Variants in ULK4 observed in about 807,000 individuals in gnomAD.
ULK4 encodes the protein unc-51 like kinase 4, also known as inactive serine/threonine-protein kinase ULK4.
A neutral mutation model predicts 160.6 loss-of-function variants in ULK4; 133 were observed. The observed-to-expected ratio is 0.83, with a 90% CI of 0.72 to 0.96. The LOEUF is 0.96. Ranked by LOEUF, ULK4 falls within the 40% of genes least tolerant of loss-of-function variation. The pLI is 0.00. For synonymous variants in ULK4, 534 were observed against 539.8 expected, an observed-to-expected ratio of 0.99 and a Z score of 0.15; for missense variants, 1,580 against 1,499.5, an observed-to-expected ratio of 1.05 and a Z score of -0.89.
At chr3:41,394,265 A>G (rs1405213609) in intron 35 of ULK4, among the ~76,000 whole-genome samples, 1 of 152,118 alleles carries the variant, frequency 6.6e-6, no homozygotes, top group Admixed American at 6.6e-5. Context: ...CAGACAGCAG[A>G]AGGACAAAGA....
rs549475057 is a variant in ULK4, at chr3:41,769,896, T to G, written c.2194-15408A>C. Among the ~76,000 whole-genome samples the G allele has an allele frequency of 6.6e-5, 10 of 152,316 alleles. No homozygotes were observed. In the South Asian group the frequency reaches 2.1e-3, roughly 32 times the overall value. ...AAGCTAAAAATCAATATGTATAGCCTGGCCATCAACTGATAACAGCCTGAA... is the reference window on the plus strand; with the variant it reads ...AAGCTAAAAATCAATATGTATAGCCGGGCCATCAACTGATAACAGCCTGAA... On this transcript the variant is annotated intron_variant, in intron 21 of 36. Coordinates refer to ENST00000301831, the MANE Select transcript of ULK4 (RefSeq NM_017886.4).
chr3:41,945,775 A>G (rs573205391), intron 2 of ULK4, among the ~76,000 whole-genome samples: 1 of 152,338 alleles, frequency 6.6e-6, no homozygotes, highest in South Asian at 2.1e-4. Context: ...ACCCAAAATT[A>G]AAATGCCCGA....
rs1014948712 is a variant in ULK4, at chr3:41,802,368, G to A, written c.1849-2075C>T. ...ACTGAAGTACAATGGCAGGATCACA[G>A]CTCACTGCAGTCTCAATCTCCCAGC... On this transcript the variant is annotated intron_variant, in intron 19 of 36. Transcript: ENST00000301831. Among the ~76,000 whole-genome samples the A allele has an allele frequency of 7.2e-5, 11 of 152,244 alleles. 1 individual carries two copies. The East Asian group carries it at 1.9e-3, about 27-fold the overall frequency.
At chr3:41,274,081 C>T (rs1486337787) in intron 35 of ULK4, among the ~76,000 whole-genome samples, 1 of 152,132 alleles carries the variant, frequency 6.6e-6, no homozygotes, top group Non-Finnish European at 1.5e-5. Flanking sequence ...TATGCTGTGG[C>T]CTGTAAACTC....
rs181244227 is a variant in ULK4 at position 41,555,532 on chromosome 3, C to T, written c.3226+10493G>A. Among the ~76,000 whole-genome samples the T allele has an allele frequency of 2.6e-5, 4 of 152,136 alleles. No homozygotes were observed. In the East Asian group the frequency reaches 5.8e-4, roughly 22 times the overall value. ...AAAGTCAAAAAATAAGAGATGCTAG[C>T]AAGGTTGTGGAGAAAAAGGAGCACT... On this transcript the variant is annotated intron_variant, in intron 32 of 36. Coordinates refer to ENST00000301831, the MANE Select transcript of ULK4 (RefSeq NM_017886.4).
intron 2 of ULK4, among the ~76,000 whole-genome samples, chr3:41,953,037 G>A (rs527377072): frequency 3.0e-4 from 45 of 151,832 alleles, no homozygotes; most frequent in African/African-American, 1.0e-3. Context: ...CCAAAAGCTG[G>A]AGAAGGAGAA....
At chr3:41,831,531 A>G (rs535823247) in intron 18 of ULK4, among the ~76,000 whole-genome samples, 1 of 138,066 alleles carries the variant, frequency 7.2e-6, no homozygotes, top group African/African-American at 2.8e-5. Context: ...ATATATATAT[A>G]TTTTTTTTTC....
intron 33 of ULK4, among the ~76,000 whole-genome samples, chr3:41,457,650 A>G (rs1235451498): frequency 2.0e-5 from 3 of 152,084 alleles, no homozygotes; most frequent in Non-Finnish European, 4.4e-5. Flanking sequence ...GCCTCTCTCC[A>G]ATTTCCCAAC....
At chr3:41,419,817 T>G (rs1369077691) in intron 34 of ULK4, among the ~76,000 whole-genome samples, 2 of 152,022 alleles carry the variant, frequency 1.3e-5, no homozygotes, top group Non-Finnish European at 1.5e-5. Context: ...CTGTTCCTTA[T>G]AGACTTCTGA....
rs559958978 is a variant in ULK4 at position 41,526,794 on chromosome 3, G to C, written c.3226+39231C>G. 2.4e-4 allele frequency among the ~76,000 whole-genome samples: 36 copies of C among 152,274 alleles called. 1 individual carries two copies. The South Asian group carries it at 7.2e-3, about 31-fold the overall frequency. Reference sequence around the variant, plus strand: ...CAGTATCCTTCGAAGGCTTTGGCTTGGAGTGTTGTAGGGTTTTTTAAAAAT... The same window carrying C: ...CAGTATCCTTCGAAGGCTTTGGCTTCGAGTGTTGTAGGGTTTTTTAAAAAT... On this transcript the variant is annotated intron_variant, in intron 32 of 36. Transcript: ENST00000301831.
At chr3:41,801,661 G>C (rs563913764) in intron 19 of ULK4, among the ~76,000 whole-genome samples, 1 of 151,926 alleles carries the variant, frequency 6.6e-6, no homozygotes, top group African/African-American at 2.4e-5. Flanking sequence ...ACCAGCATGG[G>C]CAACATAGCA....
At chr3:41,342,218 A>T (rs1214452178) in intron 35 of ULK4, among the ~76,000 whole-genome samples, 2 of 152,178 alleles carry the variant, frequency 1.3e-5, no homozygotes, top group Non-Finnish European at 2.9e-5. Flanking sequence ...AGGCAAACAC[A>T]CCCAATCATA....
intron 35 of ULK4, among the ~76,000 whole-genome samples, chr3:41,280,842 C>A (rs951507020): frequency 6.6e-6 from 1 of 151,970 alleles, no homozygotes; most frequent in Non-Finnish European, 1.5e-5. Context: ...GACACAAAAA[C>A]CCTTCAAAAA....
At chr3:41,778,090 T>A (rs2039701026) in intron 21 of ULK4, among the ~76,000 whole-genome samples, 1 of 125,892 alleles carries the variant, frequency 7.9e-6, no homozygotes, top group Admixed American at 7.6e-5. Context: ...AACCCCACTG[T>A]CTCAGCCCAA....
intron 35 of ULK4, among the ~76,000 whole-genome samples, chr3:41,306,646 T>C (rs1249663826): frequency 2.0e-5 from 3 of 151,768 alleles, no homozygotes; most frequent in Admixed American, 6.6e-5. Flanking sequence ...CTGGGAGGTG[T>C]GCCCAACAGC....
intron 31 of ULK4, among the ~76,000 whole-genome samples, chr3:41,603,734 A>C (rs2032232196): frequency 6.6e-6 from 1 of 152,140 alleles, no homozygotes; most frequent in African/African-American, 2.4e-5. Context: ...GGCTGGGTGA[A>C]GTACAGGGGA....
chr3:41,320,932 T>C (rs539587326), intron 35 of ULK4, among the ~76,000 whole-genome samples: 1 of 151,832 alleles, frequency 6.6e-6, no homozygotes, highest in South Asian at 2.1e-4. Flanking sequence ...TAAAATAAAA[T>C]AAAAATAAAT....
At chr3:41,739,448 T>A (rs1415082118) in intron 22 of ULK4, among the ~76,000 whole-genome samples, 1 of 151,866 alleles carries the variant, frequency 6.6e-6, no homozygotes, top group Admixed American at 6.6e-5. Context: ...AAGAACATCC[T>A]CCCAGTGAGC....
intron 33 of ULK4, among the ~76,000 whole-genome samples, chr3:41,456,355 T>G (rs1214945556): frequency 6.6e-6 from 1 of 152,132 alleles, no homozygotes; most frequent in Non-Finnish European, 1.5e-5. Context: ...TCACAAATGC[T>G]AATCTCCTCT....
Sources: allele counts gnomAD v4.1 joint callset (sites outside exome capture counted in the v4.1 genomes callset), GRCh38; gene constraint gnomAD v4.1.1; transcripts MANE v1.5; gene names NCBI Gene and HGNC (gene_info 2026-07-23, HGNC 2026-07-21).